The following TIGD7 variants were observed in gnomAD, a reference collection of about 807,000 sequenced individuals.
TIGD7 encodes tigger transposable element derived 7.
In TIGD7, 26 loss-of-function variants were observed where a neutral mutation model predicts 24.8. The observed-to-expected ratio is 1.05, with a 90% confidence interval of 0.77 to 1.45. The LOEUF is 1.45. TIGD7 is among the 40% of genes most tolerant of loss of function. The probability of loss-of-function intolerance (pLI) is 0.00; values close to 1 mark genes in which losing one functional copy is unlikely to be tolerated. For synonymous variants in TIGD7, 221 were observed against 224.1 expected (o/e 0.99, Z 0.12); for missense variants, 679 against 641.6 (o/e 1.06, Z -0.63).
rs368954504 is a variant in TIGD7, at chr16:3,299,724, A to C, written c.891T>G (p.Ser297Arg). ...EDVRALLLLD[S>R]CPAHPSSESL... ...ATTCAGAGGAAGGATGAGCCGGGCA[A>C]CTGTCCAGAAGTAACAATGCCCTGA... Residue 297 changes from serine to arginine, a missense_variant, in exon 2 of 2, where the codon AGT (serine) becomes AGG (arginine). By Grantham distance (110) the Ser-to-Arg change is moderately radical. Coordinates refer to ENST00000396862, the MANE Select transcript of TIGD7 (RefSeq NM_033208.4). 5.6e-5 allele frequency: 86 copies of C among 1,535,752 alleles called. No homozygotes were observed. The highest frequency in any genetic ancestry group is 7.3e-5 in the Non-Finnish European group (84 of 1,146,052).
intron 1 of TIGD7, among the ~76,000 whole-genome samples, chr16:3,304,454 C>T (rs984368582): frequency 3.3e-5 from 5 of 152,124 alleles, no homozygotes; most frequent in South Asian, 4.1e-4. Context: ...CTATTCTTAC[C>T]CTTGTGTTAC....
Position 3,300,753 on chromosome 16 carries a change from T to A in TIGD7, c.-139A>T, listed in dbSNP as rs1959917691. ...GCATGGGCATTGTATTGGAGGATAATGGACTGAAGGGGCTAACCATGACTG... is the reference window on the plus strand; with the variant it reads ...GCATGGGCATTGTATTGGAGGATAAAGGACTGAAGGGGCTAACCATGACTG... On this transcript the variant is annotated 5_prime_UTR_variant, in exon 2 of 2. Coordinates refer to ENST00000396862, the MANE Select transcript of TIGD7 (RefSeq NM_033208.4). 2 of 1,395,832 alleles carry A rather than the reference T, an allele frequency of 1.4e-6. No individual in the cohort carries two copies. Among genetic ancestry groups the A allele is most frequent in the South Asian group, 3.1e-5 (2 of 63,766 alleles). 86.5% of individuals were successfully genotyped at this position (1,395,832 alleles called of 1,614,324 possible). A position where few individuals can be genotyped will look rare whatever the true frequency, so the allele number is the denominator to read the frequency against.
Position 3,300,373 on chromosome 16 carries a change from T to C in TIGD7, c.242A>G (p.Asp81Gly), listed in dbSNP as rs761242472. 1 of 1,614,116 alleles carries C rather than the reference T, an allele frequency of 6.2e-7. No homozygotes were observed. Among genetic ancestry groups the C allele is most frequent in the South Asian group, 1.1e-5 (1 of 91,092 alleles). Residue 81 changes from aspartate to glycine, a missense_variant, in exon 2 of 2, where the codon GAT becomes GGT. Coordinates refer to ENST00000396862, the MANE Select transcript of TIGD7 (RefSeq NM_033208.4). ...TTGGTACCACATGTAGACCGCATCA[T>C]CTACATCACCATATTTGGCTCCCGT... ...RTTGAKYGDV[D>G]DAVYMWYQQK...
chr16:3,298,959 C>A lies in TIGD7; in HGVS notation c.*6G>T. ...ATATAATGGCAGAAATCTTTAAACA[C>A]AAAATCTAATGATTAGAACCAGAAG... On this transcript the variant is annotated 3_prime_UTR_variant, in exon 2 of 2. Transcript: ENST00000396862. The A allele has an allele frequency of 8.3e-7, 1 of 1,201,990 alleles. No individual in the cohort carries two copies. Among genetic ancestry groups the A allele is most frequent in the Non-Finnish European group, 1.1e-6 (1 of 918,688 alleles). 74.5% of individuals were successfully genotyped at this position (1,201,990 alleles called of 1,614,324 possible).
chr16:3,302,996 C>T (rs1959983647), intron 1 of TIGD7, among the ~76,000 whole-genome samples: 1 of 152,030 alleles, frequency 6.6e-6, no homozygotes, highest in Non-Finnish European at 1.5e-5. Flanking sequence ...CACCACCATG[C>T]CCCGCTAATT....
In TIGD7 at chr16:3,305,284, C is replaced by G. The variant is rs1391702287; in HGVS notation, c.-1468G>C. 6.6e-6 allele frequency: 1 copy of G among 152,328 alleles called. No homozygotes were observed. The highest frequency in any genetic ancestry group is 1.5e-5 in the Non-Finnish European group (1 of 68,120). The allele number at this position is 152,328 out of a possible 1,614,324, so 9.4% of individuals were successfully genotyped here. ...AGACGCGGCAGTGCGACGCCTCCCC[C>G]ACTGGGGACACGAGACAGCGACAGC... On this transcript the variant is annotated 5_prime_UTR_variant, in exon 1 of 2. Transcript: ENST00000396862.
Position 3,300,671 on chromosome 16 carries a change from A to G in TIGD7, c.-57T>C. ...AAAACAAAGGGAAAAGCCTTAATGA[A>G]TTGGCAAAAAAAAAACCCACATTTT... On this transcript the variant is annotated 5_prime_UTR_variant, in exon 2 of 2. Transcript: ENST00000396862. 1.6e-5 allele frequency: 24 copies of G among 1,515,962 alleles called. No individual in the cohort carries two copies. Among genetic ancestry groups the G allele is most frequent in the Non-Finnish European group, 2.1e-5 (24 of 1,136,666 alleles). 93.9% of individuals were successfully genotyped at this position (1,515,962 alleles called of 1,614,324 possible). A position where few individuals can be genotyped will look rare whatever the true frequency, so the allele number is the denominator to read the frequency against.
In TIGD7 at chr16:3,299,558, T is replaced by G. The variant is rs767480871; in HGVS notation, c.1057A>C (p.Ile353Leu). The G allele has an allele frequency of 1.4e-5, 21 of 1,532,646 alleles. 1 individual carries two copies. The South Asian group carries it at 2.6e-4, about 19-fold the overall frequency. The allele number at this position is 1,532,646 out of a possible 1,614,324, so 94.9% of individuals were successfully genotyped here. The change falls in exon 2 of 2, where the codon ATA (isoleucine) becomes CTA (leucine). Residue 353 changes from isoleucine (I) to leucine (L), a missense_variant. By Grantham distance (5) the Ile-to-Leu change is conservative. Coordinates refer to ENST00000396862, the MANE Select transcript of TIGD7 (RefSeq NM_033208.4). ...TGCTCATCATCACTTTCTTCAAATA[T>G]TACAAGACTCTCTTCAAGTTGCTTC... ...RWKQLEESLV[I>L]FEESDDEQEK...
chr16:3,300,234 A>G lies in TIGD7; in HGVS notation c.381T>C (p.Phe127=). The G allele has an allele frequency of 6.2e-7, 1 of 1,614,222 alleles. No individual in the cohort carries two copies. Among genetic ancestry groups the G allele is most frequent in the Non-Finnish European group, 8.5e-7 (1 of 1,180,044 alleles). Residue 127 remains phenylalanine (F), a synonymous_variant, in exon 2 of 2, where the codon TTT becomes TTC. Transcript: ENST00000396862. ...TDFKASTGWL[F]RFRNRHAIGN... ...CAATTGCATGCCGATTTCGAAATCTAAAAAGCCAACCAGTGCTAGCTTTGA... is the reference window on the plus strand; with the variant it reads ...CAATTGCATGCCGATTTCGAAATCTGAAAAGCCAACCAGTGCTAGCTTTGA...
In TIGD7 at chr16:3,299,905, C is replaced by T. The variant is rs531929164; in HGVS notation, c.710G>A (p.Ser237Asn). The T allele has an allele frequency of 6.2e-7, 1 of 1,610,822 alleles. No homozygotes were observed. Among genetic ancestry groups the T allele is most frequent in the African/African-American group, 1.3e-5 (1 of 74,828 alleles). ...IIIGKSKLPKSVKEDTSTLPV... is the reference protein window; with the variant it reads ...IIIGKSKLPKNVKEDTSTLPV... ...CAATGTACTTGTGTCCTCTTTCACA[C>T]TTTTGGGCAGTTTTGATTTTCCAAT... Residue 237 changes from serine to asparagine, a missense_variant, in exon 2 of 2, where the codon AGT becomes AAT. Ser to Asn is a conservative substitution (Grantham distance 46, BLOSUM62 1). Transcript: ENST00000396862.
Position 3,299,915 on chromosome 16 carries a change from G to T in TIGD7, c.700C>A (p.Leu234Met). The change falls in exon 2 of 2, where the codon CTG (leucine) becomes ATG (methionine). Residue 234 changes from leucine (L) to methionine (M), a missense_variant. Coordinates refer to ENST00000396862, the MANE Select transcript of TIGD7 (RefSeq NM_033208.4). Reference protein sequence around the residue: ...LKSIIIGKSKLPKSVKEDTST... With the variant: ...LKSIIIGKSKMPKSVKEDTST... ...GTGTCCTCTTTCACACTTTTGGGCA[G>T]TTTTGATTTTCCAATAATGATTGAC... 1 of 1,611,886 alleles carries T rather than the reference G, an allele frequency of 6.2e-7. No homozygotes were observed. Among genetic ancestry groups the T allele is most frequent in the Non-Finnish European group, 8.5e-7 (1 of 1,178,938 alleles).
In TIGD7 at chr16:3,300,007, T is replaced by C. The variant is rs1387704860; in HGVS notation, c.608A>G (p.Lys203Arg). The stretch of plus-strand genomic sequence containing the variant: ...AGACAACCTTTCTTTGTTTATTTTC[T>C]TCCCTGGTAGGCAGATATCTTTCCT... Reference protein sequence around the residue: ...ASRKDICLPGKKINKERLSAF... With the variant: ...ASRKDICLPGRKINKERLSAF... Residue 203 changes from lysine to arginine, a missense_variant, in exon 2 of 2, where the codon AAG becomes AGG. Transcript: ENST00000396862. The C allele has an allele frequency of 6.2e-7, 1 of 1,614,090 alleles. No homozygotes were observed. The highest frequency in any genetic ancestry group is 8.5e-7 in the Non-Finnish European group (1 of 1,180,048).
chr16:3,302,182 C>T (rs769609503), intron 1 of TIGD7, among the ~76,000 whole-genome samples, 173 bp from the exon 2 acceptor site: 5 of 151,824 alleles, frequency 3.3e-5, no homozygotes, highest in Non-Finnish European at 5.9e-5. Flanking sequence ...GGCTGGAGTG[C>T]GATGCCGCCA....
At position 3,299,513 on chromosome 16, in the gene TIGD7, C is replaced by A; in HGVS notation, c.1102G>T (p.Val368Phe). Residue 368 changes from valine (V) to phenylalanine (F), a missense_variant, in exon 2 of 2, where the codon GTT (valine) becomes TTT (phenylalanine). By Grantham distance (50) the Val-to-Phe change is conservative. Transcript: ENST00000396862. Reference protein sequence around the residue: ...DDEQEKGDKGVSKIKIYNIKS... With the variant: ...DDEQEKGDKGFSKIKIYNIKS... Reference sequence around the variant, plus strand: ...ATATTGTAGATTTTAATTTTGGAAACTCCTTTATCTCCTTTCTCTTGCTCA... The same window carrying A: ...ATATTGTAGATTTTAATTTTGGAAAATCCTTTATCTCCTTTCTCTTGCTCA... 8 of 1,528,900 alleles carry A rather than the reference C, an allele frequency of 5.2e-6. No individual in the cohort carries two copies. Among genetic ancestry groups the A allele is most frequent in the Non-Finnish European group, 7.0e-6 (8 of 1,142,538 alleles). 94.7% of individuals were successfully genotyped at this position (1,528,900 alleles called of 1,614,324 possible).
Position 3,298,916 on chromosome 16 carries a change from T to C in TIGD7, c.*49A>G, listed in dbSNP as rs778660601. ...ATGTCAGTTGCTAAAACAAGACAAT[T>C]CACAGCTGGCCTACATCATATAATG... On this transcript the variant is annotated 3_prime_UTR_variant, in exon 2 of 2. Coordinates refer to ENST00000396862, the MANE Select transcript of TIGD7 (RefSeq NM_033208.4). 1.3e-6 allele frequency: 1 copy of C among 763,880 alleles called. No homozygotes were observed. The highest frequency in any genetic ancestry group is 3.2e-5 in the Admixed American group (1 of 31,368). The allele number at this position is 763,880 out of a possible 1,614,324, so 47.3% of individuals were successfully genotyped here.
rs1159167521 is a variant in TIGD7, at chr16:3,299,080, A to G, written c.1535T>C (p.Val512Ala). The change falls in exon 2 of 2, where the codon GTC becomes GCC. Residue 512 changes from valine (V) to alanine (A), a missense_variant. Val to Ala is a moderately conservative substitution (Grantham distance 64, BLOSUM62 0). Coordinates refer to ENST00000396862, the MANE Select transcript of TIGD7 (RefSeq NM_033208.4). The stretch of plus-strand genomic sequence containing the variant: ...GATTTTACTCTGGAACTGTTTCTTG[A>G]CTATTTCTTGTTGCATCTCTTTCAG... ...FTLKEMQQEI[V>A]KKQFQSKIHS... 2 of 1,419,550 alleles carry G rather than the reference A, an allele frequency of 1.4e-6. No individual in the cohort carries two copies. The highest frequency in any genetic ancestry group is 1.8e-6 in the Non-Finnish European group (2 of 1,083,706). 87.9% of individuals were successfully genotyped at this position (1,419,550 alleles called of 1,614,324 possible). A position where few individuals can be genotyped will look rare whatever the true frequency, so the allele number is the denominator to read the frequency against.
Position 3,301,813 on chromosome 16 carries a change from GT to G in TIGD7, c.-1200del, listed in dbSNP as rs1959946059. 1 of 166,994 alleles carries G rather than the reference GT, an allele frequency of 6.0e-6. No individual in the cohort carries two copies. The highest frequency in any genetic ancestry group is 1.5e-5 in the Non-Finnish European group (1 of 68,108). The allele number at this position is 166,994 out of a possible 1,614,324, so 10.3% of individuals were successfully genotyped here. On this transcript the variant is annotated 5_prime_UTR_variant, in exon 2 of 2. It removes the in-frame stop codon of an upstream open reading frame in the 5' UTR. Transcript: ENST00000396862. ...TCTCTGCTGCTGTTTCTGATCAATT[GT>G]TTCTCATAAATCCTACTGGCAAACT...
At chr16:3,304,795 T>C (rs1173451987) in intron 1 of TIGD7, 1 of 152,190 alleles carries the variant, frequency 6.6e-6, no homozygotes, top group Non-Finnish European at 1.5e-5. Flanking sequence ...GCATGAGATA[T>C]AAGATGAAAA....
rs1393255546 is a variant in TIGD7, at chr16:3,299,620, T to C, written c.995A>G (p.Gln332Arg). 1.9e-6 allele frequency: 3 copies of C among 1,564,914 alleles called. No individual in the cohort carries two copies. Among genetic ancestry groups the C allele is most frequent in the African/African-American group, 2.8e-5 (2 of 72,606 alleles). Residue 332 changes from glutamine to arginine, a missense_variant, in exon 2 of 2, where the codon CAA becomes CGA. Gln to Arg is a conservative substitution (Grantham distance 43). Transcript: ENST00000396862. ...CCGTTTGCAGCTCAAGATCACACCT[T>C]GATTCATTGGTTGAATCAAGGTTGA... ...NTSTLIQPMN[Q>R]GVILSCKRLY...
Sources: allele counts gnomAD v4.1 joint callset (sites outside exome capture counted in the v4.1 genomes callset), GRCh38; gene constraint gnomAD v4.1.1; transcripts MANE v1.5; gene names NCBI Gene and HGNC (gene_info 2026-07-23, HGNC 2026-07-21).